The following PLCB4 variants were observed in gnomAD, a reference collection of about 807,000 sequenced individuals.
PLCB4 encodes phospholipase C beta 4, also known as 1-phosphatidylinositol 4,5-bisphosphate phosphodiesterase beta-4.
In PLCB4, 77 loss-of-function variants were observed where a neutral mutation model predicts 178.8. That is an observed-to-expected ratio of 0.43 (90% CI 0.36 to 0.52). The LOEUF is 0.52. Ranked by LOEUF, PLCB4 falls within the 20% of genes least tolerant of loss-of-function variation. The probability of loss-of-function intolerance (pLI) is 0.00; values close to 1 mark genes in which losing one functional copy is unlikely to be tolerated. For synonymous variants in PLCB4, 496 were observed against 490.8 expected (o/e 1.01, Z -0.14); for missense variants, 1,024 against 1,453.4 (o/e 0.70, Z 4.80).
At chr20:9,139,092 A>C (rs1310449065) in intron 2 of PLCB4, among the ~76,000 whole-genome samples, 1 of 152,146 alleles carries the variant, frequency 6.6e-6, no homozygotes, top group African/African-American at 2.4e-5. Context: ...TATTAATAGA[A>C]TGCCAACGTC....
At chr20:9,146,439 C>T (rs2092600582) in intron 2 of PLCB4, among the ~76,000 whole-genome samples, 2 of 152,018 alleles carry the variant, frequency 1.3e-5, no homozygotes, top group Non-Finnish European at 2.9e-5. Flanking sequence ...AATCAGGGAC[C>T]AGGTCAGTGA....
intron 3 of PLCB4, among the ~76,000 whole-genome samples, chr20:9,228,010 C>A (rs879454746): frequency 1.9e-4 from 29 of 152,180 alleles, no homozygotes; most frequent in Non-Finnish European, 3.2e-4. Flanking sequence ...ATTCTAGAAG[C>A]CCTGGAAACC....
chr20:9,456,962 CCT>C (rs2043095554), intron 33 of PLCB4, among the ~76,000 whole-genome samples: 1 of 152,054 alleles, frequency 6.6e-6, no homozygotes, highest in Non-Finnish European at 1.5e-5. Context: ...CAAAAATTGC[CCT>C]GTGGTGCCAA....
chr20:9,272,878 C>T (rs2147630874), intron 3 of PLCB4, among the ~76,000 whole-genome samples: 1 of 148,128 alleles, frequency 6.8e-6, no homozygotes, highest in Middle Eastern at 3.6e-3. Context: ...CTTCTGGTTA[C>T]AGGGATTTTT....
chr20:9,117,496 C>T (rs942292832), intron 2 of PLCB4, among the ~76,000 whole-genome samples: 7 of 152,132 alleles, frequency 4.6e-5, no homozygotes, highest in African/African-American at 7.2e-5. Context: ...CATTCCTATC[C>T]GTGCTTAATC....
chr20:9,268,271 G>A (rs1391314052), intron 3 of PLCB4, among the ~76,000 whole-genome samples: 1 of 152,140 alleles, frequency 6.6e-6, no homozygotes, highest in East Asian at 1.9e-4. Flanking sequence ...CCATGGCTGG[G>A]TCTAGGGTCT....
In PLCB4 at chr20:9,128,905, T is replaced by C. The variant is rs565677432; in HGVS notation, c.-79+32563T>C. Among the ~76,000 whole-genome samples the C allele has an allele frequency of 6.6e-5, 10 of 152,292 alleles. 2 individuals carry two copies. The South Asian group carries it at 1.5e-3, about 22-fold the overall frequency. ...AATTGACTACTCTAGGTTCCCCATA[T>C]AAGTGGAGTCATATAGTATTTATCC... On this transcript the variant is annotated intron_variant, in intron 2 of 39. Coordinates refer to ENST00000378473, the MANE Select transcript of PLCB4 (RefSeq NM_001377142.1).
chr20:9,188,127 G>A, intron 2 of PLCB4, among the ~76,000 whole-genome samples: 1 of 152,176 alleles, frequency 6.6e-6, no homozygotes, highest in South Asian at 2.1e-4. Flanking sequence ...TACATTCCAG[G>A]GAGTGGAGAC....
intron 1 of PLCB4, among the ~76,000 whole-genome samples, chr20:9,078,295 T>G (rs2089973208): frequency 6.6e-6 from 1 of 152,138 alleles, no homozygotes; most frequent in Admixed American, 6.5e-5. Flanking sequence ...TATGTTTTTT[T>G]GAAATGATAT....
At chr20:9,266,415 T>A (rs1165264847) in intron 3 of PLCB4, among the ~76,000 whole-genome samples, 2 of 152,234 alleles carry the variant, frequency 1.3e-5, no homozygotes, top group African/African-American at 4.8e-5. Flanking sequence ...AATGTGTACC[T>A]ATCAGTAAAC....
At chr20:9,294,759 C>G (rs1460334721) in intron 3 of PLCB4, among the ~76,000 whole-genome samples, 1 of 152,134 alleles carries the variant, frequency 6.6e-6, no homozygotes, top group African/African-American at 2.4e-5. Flanking sequence ...ACCCCACCAG[C>G]AGACTTTCTG....
Position 9,312,601 on chromosome 20 carries a change from A to G in PLCB4, c.84+4703A>G, listed in dbSNP as rs2094849800. On this transcript the variant is annotated intron_variant, in intron 4 of 39. Coordinates refer to ENST00000378473, the MANE Select transcript of PLCB4 (RefSeq NM_001377142.1). ...AAGCTCAGAAAAGCTCAAGCAGCCT[A>G]CACCCCACAGGCTGTTCATCAGCAA... Among the ~76,000 whole-genome samples, 3 of 152,136 alleles carry G rather than the reference A, an allele frequency of 2.0e-5. No homozygotes were observed. The South Asian group carries it at 6.2e-4, about 32-fold the overall frequency.
At chr20:9,129,274 T>C (rs1048920171) in intron 2 of PLCB4, among the ~76,000 whole-genome samples, 36 of 152,078 alleles carry the variant, frequency 2.4e-4, no homozygotes, top group Non-Finnish European at 8.8e-5. Flanking sequence ...GAAAAGTCAG[T>C]CCCCCTCCCA....
At chr20:9,386,967 ACTGGAACCTCCCCTC>A (rs1380638574) in intron 14 of PLCB4, among the ~76,000 whole-genome samples, 1 of 149,036 alleles carries the variant, frequency 6.7e-6, no homozygotes, top group Non-Finnish European at 1.5e-5. Context: ...ATGTCAGCTC[ACTGGAACCTCCCCTC>A]CTGGGTTCAA....
rs543241828 is a variant in PLCB4, at chr20:9,070,534, T to C, written c.-135+1328T>C. ...ATGTAATCCAGAATGCTGTTTTTCA[T>C]AGGACAGTCTTGCATGATCCTTAGC... On this transcript the variant is annotated intron_variant, in intron 1 of 39. Coordinates refer to ENST00000378473, the MANE Select transcript of PLCB4 (RefSeq NM_001377142.1). Among the ~76,000 whole-genome samples, 11 of 152,342 alleles carry C rather than the reference T, an allele frequency of 7.2e-5. No individual in the cohort carries two copies. The East Asian group carries it at 1.2e-3, about 16-fold the overall frequency.
At chr20:9,206,374 T>C (rs1390341099) in intron 2 of PLCB4, among the ~76,000 whole-genome samples, 1 of 151,094 alleles carries the variant, frequency 6.6e-6, no homozygotes, top group East Asian at 1.9e-4. Context: ...AAAAGAAACT[T>C]TTCATCAGGT....
chr20:9,162,062 G>GTT (rs201847977), intron 2 of PLCB4, among the ~76,000 whole-genome samples: 29 of 151,740 alleles, frequency 1.9e-4, no homozygotes, highest in Admixed American at 1.9e-3. Flanking sequence ...AGCATGTTCT[G>GTT]TTTTTTTTGT....
rs574714131 is a variant in PLCB4 at position 9,458,615 on chromosome 20, T to C, written c.3073-1020T>C. Among the ~76,000 whole-genome samples the C allele has an allele frequency of 1.7e-3, 258 of 152,268 alleles. 1 individual carries two copies. The Middle Eastern group carries it at 0.027, about 16-fold the overall frequency. On this transcript the variant is annotated intron_variant, in intron 34 of 39. Coordinates refer to ENST00000378473, the MANE Select transcript of PLCB4 (RefSeq NM_001377142.1). ...GCCTTACTTATGTATCTGGTAGTTG[T>C]CTGGCTGTTGCTTGTTTTCCTACAT...
chr20:9,151,798 A>G (rs2092696742), intron 2 of PLCB4, among the ~76,000 whole-genome samples: 1 of 152,172 alleles, frequency 6.6e-6, no homozygotes, highest in African/African-American at 2.4e-5. Flanking sequence ...CAGAGATTGG[A>G]ACAGTTTGAA....
Sources: allele counts gnomAD v4.1 joint callset (sites outside exome capture counted in the v4.1 genomes callset), GRCh38; gene constraint gnomAD v4.1.1; transcripts MANE v1.5; gene names NCBI Gene and HGNC (gene_info 2026-07-23, HGNC 2026-07-21).